Variants in TPRG1 observed in about 807,000 individuals in gnomAD.
The protein encoded by TPRG1 is tumor protein p63 regulated 1.
A neutral mutation model predicts 29.3 loss-of-function variants in TPRG1; 29 were observed. The observed-to-expected ratio is 0.99, with a 90% CI of 0.74 to 1.35. The LOEUF (loss-of-function observed/expected upper bound fraction) is 1.35. TPRG1 is among the 40% of genes most tolerant of loss of function. The probability of loss-of-function intolerance (pLI) is 0.00; values close to 1 mark genes in which losing one functional copy is unlikely to be tolerated. For missense variants in TPRG1, 327 were observed against 335.0 expected (o/e 0.98, Z 0.19); for synonymous variants, 130 against 116.8 (o/e 1.11, Z -0.73).
Position 189,192,213 on chromosome 3 carries a change from G to A in TPRG1, c.-9-15163G>A, listed in dbSNP as rs192860562. ...AGTTTGAAGCCAGGTTTAGAAGAAA[G>A]GATTTCAAATCTTCTCTTGTCAGTT... On this transcript the variant is annotated intron_variant, in intron 1 of 5. Coordinates refer to ENST00000345063, the MANE Select transcript of TPRG1 (RefSeq NM_198485.4). Among the ~76,000 whole-genome samples the A allele has an allele frequency of 6.6e-5, 10 of 152,266 alleles. No individual in the cohort carries two copies. In the East Asian group the frequency reaches 1.7e-3, roughly 26 times the overall value.
At chr3:189,305,720 A>G (rs1258076893) in intron 4 of TPRG1, among the ~76,000 whole-genome samples, 2 of 152,360 alleles carry the variant, frequency 1.3e-5, no homozygotes, top group Admixed American at 6.5e-5. Context: ...AGTCTCAGTT[A>G]CATATCTATA....
At chr3:189,032,299 G>A (rs1221611168) in intron 4 of TPRG1, among the ~76,000 whole-genome samples, 1 of 152,070 alleles carries the variant, frequency 6.6e-6, no homozygotes, top group African/African-American at 2.4e-5. Context: ...CTACACACTG[G>A]AAAAAGCAGG....
chr3:189,287,291 C>T (rs181065284), intron 4 of TPRG1, among the ~76,000 whole-genome samples: 10 of 152,078 alleles, frequency 6.6e-5, no homozygotes, highest in African/African-American at 1.7e-4. Flanking sequence ...CAATGTTGCA[C>T]GGTCATCTCT....
chr3:189,190,939 G>A (rs1024906941), intron 1 of TPRG1: 5 of 985,184 alleles, frequency 5.1e-6, no homozygotes, highest in South Asian at 9.4e-5. Context: ...GCAATGAGCC[G>A]GCTTTGAGAT....
At chr3:189,058,361 C>T (rs1205020953) in intron 4 of TPRG1, among the ~76,000 whole-genome samples, 2 of 152,156 alleles carry the variant, frequency 1.3e-5, no homozygotes, top group Admixed American at 6.6e-5. Flanking sequence ...AGGAGTGTAA[C>T]GTCGGTACAC....
chr3:189,104,222 C>G (rs1411047377), intron 1 of TPRG1, among the ~76,000 whole-genome samples: 1 of 152,088 alleles, frequency 6.6e-6, no homozygotes, highest in Non-Finnish European at 1.5e-5. Flanking sequence ...AAGAAATTAA[C>G]CTCTTTGAGC....
chr3:189,087,550 C>T (rs918331159), intron 4 of TPRG1, among the ~76,000 whole-genome samples: 6 of 152,146 alleles, frequency 3.9e-5, no homozygotes, highest in African/African-American at 1.4e-4. Flanking sequence ...GTTGCCATTG[C>T]TTTTGGTGTT....
chr3:189,247,192 G>A (rs6781586), intron 4 of TPRG1, among the ~76,000 whole-genome samples: 17,560 of 151,312 alleles, frequency 0.12, 1,958 homozygotes, highest in African/African-American at 0.29. Flanking sequence ...GATAATTTTC[G>A]TTTATCTATC....
At chr3:189,231,362 A>G (rs534093256) in intron 3 of TPRG1, among the ~76,000 whole-genome samples, 1 of 151,952 alleles carries the variant, frequency 6.6e-6, no homozygotes, top group Non-Finnish European at 1.5e-5. Context: ...TATTTTGTAT[A>G]TCCGAAAACT....
chr3:189,087,133 A>G (rs1298483093), intron 4 of TPRG1, among the ~76,000 whole-genome samples: 1 of 152,180 alleles, frequency 6.6e-6, no homozygotes, highest in South Asian at 2.1e-4. Flanking sequence ...ACAGTGTAAA[A>G]GTGTTCCTAT....
intron 4 of TPRG1, among the ~76,000 whole-genome samples, chr3:189,265,280 T>C (rs1713862684): frequency 6.6e-6 from 1 of 152,088 alleles, no homozygotes; most frequent in African/African-American, 2.4e-5. Flanking sequence ...TGAGCTAGAG[T>C]CATCACATGA....
intron 3 of TPRG1, among the ~76,000 whole-genome samples, chr3:189,011,471 CAT>C (rs1712597321): frequency 6.6e-6 from 1 of 152,120 alleles, no homozygotes; most frequent in Admixed American, 6.6e-5. Context: ...ATGGAGAACT[CAT>C]AGTACCATGT....
chr3:189,007,872 G>T (rs896730855), intron 3 of TPRG1, among the ~76,000 whole-genome samples: 3 of 130,324 alleles, frequency 2.3e-5, no homozygotes, highest in Admixed American at 8.5e-5. Flanking sequence ...ACAGGAAAGG[G>T]AATATCACAC....
intron 3 of TPRG1, among the ~76,000 whole-genome samples, chr3:189,015,070 T>A (rs1027524551): frequency 1.3e-5 from 2 of 152,136 alleles, no homozygotes; most frequent in Non-Finnish European, 2.9e-5. Context: ...TTTGAATAAT[T>A]TTGACCAAAA....
intron 3 of TPRG1, chr3:189,217,727 G>C (rs893012456): frequency 2.2e-5 from 16 of 720,438 alleles, no homozygotes; most frequent in Middle Eastern, 7.2e-4. Context: ...CAGGCATCTG[G>C]TCCAAATAAA....
intron 2 of TPRG1, among the ~76,000 whole-genome samples, chr3:189,212,546 G>A (rs542942970): frequency 6.8e-6 from 1 of 146,128 alleles, no homozygotes; most frequent in Non-Finnish European, 1.5e-5. Context: ...CTGAAATCCT[G>A]TGAAGATTGT....
intron 1 of TPRG1, among the ~76,000 whole-genome samples, chr3:189,112,610 C>G (rs1720669169): frequency 6.6e-6 from 1 of 152,164 alleles, no homozygotes; most frequent in Admixed American, 6.5e-5. Flanking sequence ...CCAGTTTTCC[C>G]AGCACCATTT....
intron 1 of TPRG1, among the ~76,000 whole-genome samples, chr3:189,186,827 A>G (rs1268535911): frequency 1.3e-5 from 2 of 152,108 alleles, no homozygotes; most frequent in Middle Eastern, 3.2e-3. Context: ...CCTGATGCCT[A>G]CTTCTTCAGG....
chr3:189,234,076 C>A (rs145356718), intron 3 of TPRG1, among the ~76,000 whole-genome samples: 1 of 152,204 alleles, frequency 6.6e-6, no homozygotes, highest in Admixed American at 6.5e-5. Flanking sequence ...ACAAGGTCTC[C>A]CTGTGTTGCC....
Sources: allele counts gnomAD v4.1 joint callset (sites outside exome capture counted in the v4.1 genomes callset), GRCh38; gene constraint gnomAD v4.1.1; transcripts MANE v1.5; gene names NCBI Gene and HGNC (gene_info 2026-07-23, HGNC 2026-07-21).